EGFR: variants seen among roughly 807,000 people sequenced by gnomAD.
EGFR encodes epidermal growth factor receptor.
Under a neutral mutation model 143.0 loss-of-function variants are expected in EGFR, and 58 were observed. That is an observed-to-expected ratio of 0.41 (90% CI 0.33 to 0.50). EGFR has a LOEUF of 0.50. Among genes scored for constraint, EGFR ranks in the 20% least tolerant of loss-of-function variants. The pLI is 0.39. For missense variants in EGFR, 1,307 were observed against 1,579.0 expected, an observed-to-expected ratio of 0.83 and a Z score of 2.92; for synonymous variants, 613 against 594.4, an observed-to-expected ratio of 1.03 and a Z score of -0.45.
intron 7 of EGFR, among the ~76,000 whole-genome samples, chr7:55,155,350 G>A (rs535884651): frequency 1.2e-3 from 189 of 152,354 alleles, no homozygotes; most frequent in Middle Eastern, 3.4e-3. Flanking sequence ...GCTGAGGCAG[G>A]AGAATTGCTT....
chr7:55,075,288 C>T (rs1451870243), intron 1 of EGFR, among the ~76,000 whole-genome samples: 1 of 152,208 alleles, frequency 6.6e-6, no homozygotes, highest in Non-Finnish European at 1.5e-5. Context: ...CCTCCAGCTT[C>T]CTCCACACCG....
chr7:55,163,751 G>A lies in EGFR; in HGVS notation c.1650G>A (p.Val550=), dbSNP rs1261257677. ...CTCTCAGTGAGCCAAGGGAGTTTGT[G>A]GAGAACTCTGAGTGCATACAGTGCC... ...NLLEGEPREF[V]ENSECIQCHP... The change falls in exon 14 of 28, where the codon GTG becomes GTA. Residue 550 remains valine (V), a synonymous_variant. Transcript: ENST00000275493. 6.2e-7 allele frequency: 1 copy of A among 1,614,088 alleles called. No individual in the cohort carries two copies. Among genetic ancestry groups the A allele is most frequent in the African/African-American group, 1.3e-5 (1 of 74,924 alleles).
chr7:55,055,331 A>G (rs1225427821), intron 1 of EGFR, among the ~76,000 whole-genome samples: 3 of 152,084 alleles, frequency 2.0e-5, no homozygotes, highest in Non-Finnish European at 4.4e-5. Flanking sequence ...CCCTACAGGT[A>G]TTTTTTTAAA....
chr7:55,187,355 GAAACAAAGGC>G (rs1787184769), intron 20 of EGFR, among the ~76,000 whole-genome samples: 10 of 152,086 alleles, frequency 6.6e-5, no homozygotes, highest in Admixed American at 6.5e-4. Context: ...TACATATGGG[GAAACAAAGGC>G]ATGCGGTGTT....
At position 55,052,429 on chromosome 7, in the gene EGFR, T is replaced by C. The variant is rs569680928; in HGVS notation, c.88+33064T>C. ...TGAGTCGCCCACTTTAGAGCCCTTCTGTTCTTCAGAAACCAGACTTTTCTT... is the reference window on the plus strand; with the variant it reads ...TGAGTCGCCCACTTTAGAGCCCTTCCGTTCTTCAGAAACCAGACTTTTCTT... On this transcript the variant is annotated intron_variant, in intron 1 of 27. Transcript: ENST00000275493. Among the ~76,000 whole-genome samples the C allele has an allele frequency of 1.1e-4, 17 of 152,366 alleles. No homozygotes were observed. The East Asian group carries it at 3.1e-3, about 28-fold the overall frequency.
intron 10 of EGFR, among the ~76,000 whole-genome samples, chr7:55,157,335 A>C (rs1397446076): frequency 2.0e-5 from 3 of 152,260 alleles, no homozygotes; most frequent in Non-Finnish European, 4.4e-5. Context: ...GTGATACCAG[A>C]TCCACAATTG....
Position 55,198,769 on chromosome 7 carries a change from C to G in EGFR, c.2754C>G (p.Ile918Met), listed in dbSNP as rs1403940527. 6.2e-7 allele frequency: 1 copy of G among 1,614,094 alleles called. No homozygotes were observed. Among genetic ancestry groups the G allele is most frequent in the Non-Finnish European group, 8.5e-7 (1 of 1,180,024 alleles). ...MTFGSKPYDG[I>M]PASEISSILE... Reference sequence around the variant, plus strand: ...TTGGATCCAAGCCATATGACGGAATCCCTGCCAGCGAGATCTCCTCCATCC... The same window carrying G: ...TTGGATCCAAGCCATATGACGGAATGCCTGCCAGCGAGATCTCCTCCATCC... The change falls in exon 23 of 28, where the codon ATC (isoleucine) becomes ATG (methionine). Residue 918 changes from isoleucine (I) to methionine (M), a missense_variant. Around this residue, in one of 7 missense-constraint regions of EGFR, gnomAD observed 348 missense variants for 451.5 expected, o/e 0.77. Transcript: ENST00000275493.
At chr7:55,066,955 CTGGT>C (rs1789541378) in intron 1 of EGFR, among the ~76,000 whole-genome samples, 2 of 152,224 alleles carry the variant, frequency 1.3e-5, no homozygotes, top group Admixed American at 1.3e-4. Flanking sequence ...GGATGCTGAG[CTGGT>C]CACTTGGGAG....
intron 22 of EGFR, among the ~76,000 whole-genome samples, chr7:55,196,091 T>G (rs1384449675): frequency 6.6e-6 from 1 of 151,922 alleles, no homozygotes; most frequent in Admixed American, 6.6e-5. Context: ...GCCACACTCT[T>G]TTCCACAATA....
chr7:55,157,815 T>G, intron 11 of EGFR, 62 bp downstream of exon 11: 1 of 1,529,906 alleles, frequency 6.5e-7, no homozygotes. Flanking sequence ...GAAATTAGGC[T>G]TAACAGGAGA....
chr7:55,160,481 T>A, intron 12 of EGFR, 143 bp downstream of exon 12: 1 of 894,716 alleles, frequency 1.1e-6, no homozygotes, highest in East Asian at 2.7e-5. Context: ...GATTCCTAAC[T>A]GTGAAATTAC....
chr7:55,161,328 G>A (rs1267787098), intron 12 of EGFR, among the ~76,000 whole-genome samples, 171 bp from the exon 13 acceptor site: 5 of 152,234 alleles, frequency 3.3e-5, no homozygotes, highest in Non-Finnish European at 7.3e-5. Flanking sequence ...TTCCAGTCAC[G>A]GTCGGCCTCT....
chr7:55,040,078 G>C (rs1404654427), intron 1 of EGFR, among the ~76,000 whole-genome samples: 1 of 152,138 alleles, frequency 6.6e-6, no homozygotes, highest in East Asian at 1.9e-4. Context: ...GTGCTTTGCT[G>C]TGGATTAGGA....
chr7:55,195,681 C>T (rs921173653), intron 22 of EGFR, among the ~76,000 whole-genome samples: 5 of 152,138 alleles, frequency 3.3e-5, no homozygotes, highest in African/African-American at 9.7e-5. Flanking sequence ...CATCCTCCAC[C>T]GTCCTATAGA....
At chr7:55,074,116 G>A (rs748323628) in intron 1 of EGFR, among the ~76,000 whole-genome samples, 3 of 152,214 alleles carry the variant, frequency 2.0e-5, no homozygotes, top group Non-Finnish European at 4.4e-5. Context: ...GCCATGTGCT[G>A]TTACCCCTGC....
At chr7:55,193,669 A>G (rs1584259888) in intron 22 of EGFR, among the ~76,000 whole-genome samples, 1 of 152,334 alleles carries the variant, frequency 6.6e-6, no homozygotes, top group East Asian at 1.9e-4. Flanking sequence ...AGCCATCTAC[A>G]GCGACAGGAG....
intron 20 of EGFR, among the ~76,000 whole-genome samples, chr7:55,190,320 G>A (rs1787333760): frequency 6.6e-6 from 1 of 152,062 alleles, no homozygotes; most frequent in African/African-American, 2.4e-5. Context: ...ATGAGACGTG[G>A]GTGTCAGGCA....
intron 1 of EGFR, among the ~76,000 whole-genome samples, chr7:55,106,071 A>G (rs997705776): frequency 6.6e-6 from 1 of 152,196 alleles, no homozygotes; most frequent in Non-Finnish European, 1.5e-5. Context: ...AGTCCCCAGG[A>G]GACCTAGAGA....
chr7:55,027,224 A>T (rs1786947484), intron 1 of EGFR, among the ~76,000 whole-genome samples: 1 of 152,196 alleles, frequency 6.6e-6, no homozygotes. Flanking sequence ...AATGTTTTAT[A>T]ACAGATGTGA....
Sources: gnomAD v4.1 joint callset for allele counts (sites outside exome capture counted in the v4.1 genomes callset) on GRCh38, gnomAD v4.1.1 for gene constraint, gnomAD v4.1.1 regional missense constraint, MANE v1.5 for transcripts, NCBI Gene and HGNC (gene_info 2026-07-23, HGNC 2026-07-21) for gene names.